Variants in CBLB observed in about 807,000 individuals in gnomAD.
The protein encoded by CBLB is Cbl proto-oncogene B, also known as E3 ubiquitin-protein ligase CBL-B.
In CBLB, 31 loss-of-function variants were observed where a neutral mutation model predicts 104.9. The observed-to-expected ratio is 0.30, with a 90% confidence interval of 0.22 to 0.40. The LOEUF (loss-of-function observed/expected upper bound fraction) is 0.40. CBLB is among the 10% of genes least tolerant of loss of function. CBLB has a pLI of 1.00. For synonymous variants in CBLB, 440 were observed against 422.6 expected (o/e 1.04, Z -0.51); for missense variants, 1,062 against 1,214.6 (o/e 0.87, Z 1.87).
chr3:105,756,872 G>A (rs1033288912), intron 4 of CBLB, among the ~76,000 whole-genome samples: 1 of 152,156 alleles, frequency 6.6e-6, no homozygotes, highest in South Asian at 2.1e-4. Context: ...CCAGTGGGAG[G>A]TGATCGGATC....
chr3:105,741,393 G>A (rs1273198945), intron 6 of CBLB, among the ~76,000 whole-genome samples: 1 of 150,418 alleles, frequency 6.6e-6, no homozygotes, highest in Non-Finnish European at 1.5e-5. Flanking sequence ...TTTTGTTGTT[G>A]TTGTTGCTTG....
chr3:105,671,713 C>T (rs916190469), intron 17 of CBLB: 13 of 202,924 alleles, frequency 6.4e-5, no homozygotes, highest in Non-Finnish European at 1.0e-4. Flanking sequence ...GGATTTGAAG[C>T]CATTATCTTT....
Position 105,740,465 on chromosome 3 carries a change from G to A in CBLB, c.983+29C>T, listed in dbSNP as rs1473101809. 1.8e-5 allele frequency: 29 copies of A among 1,612,064 alleles called. 1 individual carries two copies. The East Asian group carries it at 6.5e-4, about 36-fold the overall frequency. ...TATTTTTCAAATTCATGAATCATAAGCACTCCAACTTCCATTTCTCATACT... is the reference window on the plus strand; with the variant it reads ...TATTTTTCAAATTCATGAATCATAAACACTCCAACTTCCATTTCTCATACT... On this transcript the variant is annotated intron_variant, in intron 7 of 18. Transcript: ENST00000394030.
intron 2 of CBLB, among the ~76,000 whole-genome samples, chr3:105,866,474 C>T (rs2092433246): frequency 6.6e-6 from 1 of 152,078 alleles, no homozygotes; most frequent in African/African-American, 2.4e-5. Flanking sequence ...TTATAATTGG[C>T]CCCAGATATC....
chr3:105,697,484 TCCTACACATGTAAACC>T (rs1334260016), intron 12 of CBLB, among the ~76,000 whole-genome samples: 1 of 151,982 alleles, frequency 6.6e-6, no homozygotes, highest in Non-Finnish European at 1.5e-5. Flanking sequence ...CTTTACCTTA[TCCTACACATGTAAACC>T]CCTACACATG....
intron 3 of CBLB, among the ~76,000 whole-genome samples, chr3:105,792,042 G>GT (rs1182643216): frequency 6.6e-6 from 1 of 151,994 alleles, no homozygotes; most frequent in Admixed American, 6.6e-5. Context: ...TCAAAATTTG[G>GT]TCCTTAGACC....
intron 1 of CBLB, 53 bp from the exon 2 acceptor site, chr3:105,867,644 A>G: frequency 6.5e-7 from 1 of 1,528,752 alleles, no homozygotes; most frequent in Non-Finnish European, 9.0e-7. Context: ...GAAAATATTT[A>G]CCCACCAGAA....
intron 3 of CBLB, among the ~76,000 whole-genome samples, chr3:105,801,769 A>G (rs2082898054): frequency 6.6e-6 from 1 of 152,242 alleles, no homozygotes; most frequent in East Asian, 1.9e-4. Context: ...AACAATGACA[A>G]AAAGTGTGTT....
intron 3 of CBLB, among the ~76,000 whole-genome samples, chr3:105,838,615 G>A (rs1348626316): frequency 6.6e-6 from 1 of 151,018 alleles, no homozygotes; most frequent in African/African-American, 2.4e-5. Context: ...GAAGAGAATT[G>A]CAATCCATCT....
intron 9 of CBLB, among the ~76,000 whole-genome samples, chr3:105,722,164 C>T (rs1241173128): frequency 1.1e-4 from 15 of 142,444 alleles, no homozygotes; most frequent in Non-Finnish European, 2.1e-4. Context: ...AGCATGACTG[C>T]CCTCAGCCTA....
At chr3:105,848,621 G>A (rs754993142) in intron 3 of CBLB, among the ~76,000 whole-genome samples, 2 of 152,146 alleles carry the variant, frequency 1.3e-5, no homozygotes, top group East Asian at 3.9e-4. Context: ...CAACAGAGGT[G>A]CAGGAACATT....
At chr3:105,700,047 A>G (rs1018153710) in intron 12 of CBLB, among the ~76,000 whole-genome samples, 4 of 152,154 alleles carry the variant, frequency 2.6e-5, no homozygotes, top group Admixed American at 6.5e-5. Context: ...AGTGTTCTCT[A>G]TTATACTAAT....
chr3:105,861,072 G>T (rs1046036554), intron 2 of CBLB, among the ~76,000 whole-genome samples: 11 of 151,610 alleles, frequency 7.3e-5, no homozygotes, highest in Admixed American at 7.2e-4. Flanking sequence ...AAAATGTGTT[G>T]GATATTTTCA....
At chr3:105,663,166 C>G (rs1449026113) in intron 18 of CBLB, among the ~76,000 whole-genome samples, 1 of 152,294 alleles carries the variant, frequency 6.6e-6, no homozygotes, top group Admixed American at 6.5e-5. Flanking sequence ...TTCACTATCA[C>G]AGTTACTGCT....
At chr3:105,751,431 G>A (rs1460688868) in intron 5 of CBLB, 31 bp downstream of exon 5, 4 of 1,516,154 alleles carry the variant, frequency 2.6e-6, no homozygotes, top group Non-Finnish European at 3.7e-6. Flanking sequence ...GAGAAGAAGG[G>A]AATGGATAGA....
At chr3:105,815,239 C>T (rs1321818995) in intron 3 of CBLB, among the ~76,000 whole-genome samples, 1 of 152,106 alleles carries the variant, frequency 6.6e-6, no homozygotes, top group Non-Finnish European at 1.5e-5. Flanking sequence ...ATGCTTTGTA[C>T]ACCTGTAGGT....
intron 3 of CBLB, among the ~76,000 whole-genome samples, chr3:105,783,630 T>G (rs989346194): frequency 5.3e-5 from 8 of 152,078 alleles, no homozygotes; most frequent in Admixed American, 2.0e-4. Context: ...CCAATGAATT[T>G]AAGGGATTTA....
At chr3:105,789,529 T>A (rs979234444) in intron 3 of CBLB, among the ~76,000 whole-genome samples, 4 of 152,170 alleles carry the variant, frequency 2.6e-5, no homozygotes, top group Non-Finnish European at 5.9e-5. Flanking sequence ...TTTACTTAGA[T>A]AACCACACAA....
chr3:105,825,192 T>C (rs6791765), intron 3 of CBLB, among the ~76,000 whole-genome samples: 14,207 of 152,182 alleles, frequency 0.093, 743 homozygotes, highest in Admixed American at 0.13. Context: ...TAACATATAC[T>C]AGTGGGATGA....
Sources: gnomAD v4.1 joint callset for allele counts (sites outside exome capture counted in the v4.1 genomes callset) on GRCh38, gnomAD v4.1.1 for gene constraint, MANE v1.5 for transcripts, NCBI Gene and HGNC (gene_info 2026-07-23, HGNC 2026-07-21) for gene names.